KCNIP4: variants seen among roughly 807,000 people sequenced by gnomAD.
KCNIP4 encodes the protein Kv channel-interacting protein 4.
KCNIP4 carries 12 observed loss-of-function variants against 34.0 expected under a neutral mutation model. That is an observed-to-expected ratio of 0.35 (90% CI 0.23 to 0.57). KCNIP4 has a LOEUF of 0.57. Ranked by LOEUF, KCNIP4 falls within the 20% of genes least tolerant of loss-of-function variation. The pLI, the probability that KCNIP4 is intolerant of heterozygous loss-of-function variation, is 0.83. For synonymous variants in KCNIP4, 124 were observed against 102.2 expected (o/e 1.21, Z -1.29); for missense variants, 238 against 311.7 (o/e 0.76, Z 1.78).
At chr4:20,775,158 C>G (rs1258510823) in intron 3 of KCNIP4, among the ~76,000 whole-genome samples, 1 of 152,168 alleles carries the variant, frequency 6.6e-6, no homozygotes, top group Non-Finnish European at 1.5e-5. Context: ...TTTATAGAAT[C>G]TCTCCACTGA....
At chr4:21,305,630 C>T (rs776115189) in intron 1 of KCNIP4, among the ~76,000 whole-genome samples, 2 of 152,198 alleles carry the variant, frequency 1.3e-5, no homozygotes, top group South Asian at 4.1e-4. Flanking sequence ...TGAAGAGCAT[C>T]CTTTTCTCTC....
At chr4:20,874,683 CTT>C (rs200107431) in intron 2 of KCNIP4, among the ~76,000 whole-genome samples, 24 of 138,338 alleles carry the variant, frequency 1.7e-4, no homozygotes, top group Non-Finnish European at 1.9e-4. Context: ...CACTTCATCT[CTT>C]TTTTTTTTTT....
chr4:21,351,888 T>C (rs973349964), intron 1 of KCNIP4, among the ~76,000 whole-genome samples: 2 of 152,126 alleles, frequency 1.3e-5, no homozygotes, highest in African/African-American at 4.8e-5. Context: ...ACTCAGCCAG[T>C]CTGTGGTATT....
At chr4:20,741,393 A>G (rs568624804) in intron 5 of KCNIP4, among the ~76,000 whole-genome samples, 2 of 152,252 alleles carry the variant, frequency 1.3e-5, no homozygotes, top group Admixed American at 6.5e-5. Flanking sequence ...AATGCAATCA[A>G]ATTAAAACTC....
At chr4:21,408,634 C>A (rs1353642624) in intron 1 of KCNIP4, among the ~76,000 whole-genome samples, 1 of 152,168 alleles carries the variant, frequency 6.6e-6, no homozygotes, top group Non-Finnish European at 1.5e-5. Context: ...TTTAATTAAT[C>A]TTTTAGACTT....
intron 1 of KCNIP4, among the ~76,000 whole-genome samples, chr4:21,726,772 C>T (rs1048576454): frequency 3.3e-5 from 5 of 152,136 alleles, no homozygotes; most frequent in African/African-American, 1.2e-4. Flanking sequence ...TATACAGTGG[C>T]TAGCACAGTG....
chr4:21,678,831 T>C (rs114504259), intron 1 of KCNIP4, among the ~76,000 whole-genome samples: 1 of 152,264 alleles, frequency 6.6e-6, no homozygotes, highest in African/African-American at 2.4e-5. Context: ...CCCAAACTTG[T>C]TTGTTGAAGT....
intron 1 of KCNIP4, among the ~76,000 whole-genome samples, chr4:21,600,257 T>C (rs1743002617): frequency 6.6e-6 from 1 of 152,144 alleles, no homozygotes; most frequent in Non-Finnish European, 1.5e-5. Context: ...ATTTTGTGTC[T>C]AGATCCTTGA....
chr4:21,396,549 C>CAAAAAAAAAAAAAAAAAAAAAA (rs555585102), intron 1 of KCNIP4, among the ~76,000 whole-genome samples: 1 of 52,808 alleles, frequency 1.9e-5, no homozygotes, highest in Non-Finnish European at 3.9e-5. Context: ...AGCAAGACTC[C>CAAAAAAAAAAAAAAAAAAAAAA]AAAAAAAAAA....
intron 1 of KCNIP4, among the ~76,000 whole-genome samples, chr4:21,763,808 G>C (rs2109174858): frequency 6.6e-6 from 1 of 152,174 alleles, no homozygotes; most frequent in South Asian, 2.1e-4. Flanking sequence ...AAATGAATGT[G>C]ACAAAAGCAA....
intron 1 of KCNIP4, among the ~76,000 whole-genome samples, chr4:21,893,216 T>A (rs545928190): frequency 4.2e-4 from 64 of 152,256 alleles, no homozygotes; most frequent in African/African-American, 1.3e-3. Flanking sequence ...AAATAAATTA[T>A]AAGGGCAGAA....
chr4:21,232,031 CT>C (rs1376807726), intron 1 of KCNIP4, among the ~76,000 whole-genome samples: 2 of 152,112 alleles, frequency 1.3e-5, no homozygotes, highest in African/African-American at 4.8e-5. Flanking sequence ...CTGGAATTAA[CT>C]GTTCTTTACC....
intron 1 of KCNIP4, among the ~76,000 whole-genome samples, chr4:21,553,456 T>C (rs771429955): frequency 1.3e-5 from 2 of 152,128 alleles, no homozygotes; most frequent in African/African-American, 4.8e-5. Context: ...GCTAGAGGCA[T>C]AGATAAATAA....
intron 1 of KCNIP4, among the ~76,000 whole-genome samples, chr4:21,405,188 C>T (rs535112801): frequency 1.3e-5 from 2 of 152,164 alleles, no homozygotes; most frequent in African/African-American, 4.8e-5. Context: ...AATTTTCCGT[C>T]CACTAACATG....
intron 3 of KCNIP4, among the ~76,000 whole-genome samples, chr4:20,849,799 CA>C (rs1171399430): frequency 6.6e-6 from 1 of 152,204 alleles, no homozygotes; most frequent in African/African-American, 2.4e-5. Context: ...AGATTCATGA[CA>C]GCAAGTTTTC....
intron 1 of KCNIP4, among the ~76,000 whole-genome samples, chr4:20,946,030 TA>T (rs1032245266): frequency 2.6e-5 from 4 of 152,196 alleles, no homozygotes; most frequent in South Asian, 4.1e-4. Context: ...ATCCACTCAT[TA>T]AAAAAATACT....
chr4:21,001,933 T>C (rs1738174072), intron 1 of KCNIP4, among the ~76,000 whole-genome samples: 2 of 133,122 alleles, frequency 1.5e-5, no homozygotes, highest in Admixed American at 1.6e-4. Context: ...GAAATAACTT[T>C]AGGAATAATA....
chr4:21,064,554 C>T (rs970135283), intron 1 of KCNIP4, among the ~76,000 whole-genome samples: 2 of 152,074 alleles, frequency 1.3e-5, no homozygotes, highest in South Asian at 2.1e-4. Flanking sequence ...CTATAGTTAT[C>T]TTAGCTATAA....
At chr4:21,494,752 G>A (rs1732717164) in intron 1 of KCNIP4, among the ~76,000 whole-genome samples, 1 of 147,946 alleles carries the variant, frequency 6.8e-6, no homozygotes, top group Non-Finnish European at 1.5e-5. Flanking sequence ...ACTCCAGCTT[G>A]GGCAACAGAG....
Sources: gnomAD v4.1 joint callset for allele counts (sites outside exome capture counted in the v4.1 genomes callset) on GRCh38, gnomAD v4.1.1 for gene constraint, MANE v1.5 for transcripts, NCBI Gene and HGNC (gene_info 2026-07-23, HGNC 2026-07-21) for gene names.